Variants in COL5A2 observed in about 807,000 individuals in gnomAD.
COL5A2 encodes collagen type V alpha 2 chain.
A neutral mutation model predicts 208.2 loss-of-function variants in COL5A2; 23 were observed. The observed-to-expected ratio is 0.11, with a 90% confidence interval of 0.08 to 0.16. The LOEUF (loss-of-function observed/expected upper bound fraction) is 0.16, where lower values mean the gene tolerates loss of function less well. COL5A2 is among the 10% of genes least tolerant of loss of function. COL5A2 has a pLI of 1.00. For synonymous variants in COL5A2, 625 were observed against 628.5 expected (o/e 0.99, Z 0.08); for missense variants, 1,590 against 1,956.4 (o/e 0.81, Z 3.53).
chr2:189,293,190 C>A, the COL5A2 span, among the ~76,000 whole-genome samples: 3 of 151,838 alleles, frequency 2.0e-5, no homozygotes, highest in Admixed American at 6.6e-5. Context: ...ACCAGCATGG[C>A]ACATGTATAC....
Position 189,051,540 on chromosome 2 carries a change from T to C in COL5A2, c.2770-59A>G, listed in dbSNP as rs146362699. The C allele has an allele frequency of 7.0e-5, 106 of 1,506,318 alleles. 1 individual carries two copies. The East Asian group carries it at 2.2e-3, about 32-fold the overall frequency. The allele number at this position is 1,506,318 out of a possible 1,614,324, so 93.3% of individuals were successfully genotyped here. A position where few individuals can be genotyped will look rare whatever the true frequency, so the allele number is the denominator to read the frequency against. Reference sequence around the variant, plus strand: ...CAAAATGGAAGGCAAGTAAGAGTGATTGACATAACGCTGTCTGCCTCAGAT... The same window carrying C: ...CAAAATGGAAGGCAAGTAAGAGTGACTGACATAACGCTGTCTGCCTCAGAT... On this transcript the variant is annotated intron_variant, in intron 41 of 53. Coordinates refer to ENST00000374866, the MANE Select transcript of COL5A2 (RefSeq NM_000393.5).
intron 1 of COL5A2, among the ~76,000 whole-genome samples, chr2:189,203,581 G>C (rs1240119610): frequency 6.6e-6 from 1 of 152,140 alleles, no homozygotes; most frequent in African/African-American, 2.4e-5. Context: ...TTGTCACCTT[G>C]TTAGCTGTAA....
chr2:189,295,486 G>A, the COL5A2 span, among the ~76,000 whole-genome samples: 12 of 152,086 alleles, frequency 7.9e-5, no homozygotes, highest in African/African-American at 2.7e-4. Context: ...GTGGTGGCAC[G>A]TGCCTGTAAT....
the COL5A2 span, among the ~76,000 whole-genome samples, chr2:189,266,695 A>G: frequency 1.3e-5 from 2 of 152,138 alleles, no homozygotes; most frequent in Non-Finnish European, 2.9e-5. Flanking sequence ...CTAAAATTAC[A>G]TATTAGGATG....
the COL5A2 span, among the ~76,000 whole-genome samples, chr2:189,323,517 T>C: frequency 6.6e-6 from 1 of 152,242 alleles, no homozygotes; most frequent in South Asian, 2.1e-4. Context: ...AGCATTCTTA[T>C]ACACCAATAA....
the COL5A2 span, among the ~76,000 whole-genome samples, chr2:189,426,981 A>G: frequency 6.6e-6 from 1 of 152,228 alleles, no homozygotes; most frequent in Non-Finnish European, 1.5e-5. Context: ...TTTTCAGGGG[A>G]GGAATTGAAG....
chr2:189,225,423 ATAGTGTTTAGTAT>A (rs1283904340), upstream of COL5A2, among the ~76,000 whole-genome samples: 1 of 152,168 alleles, frequency 6.6e-6, no homozygotes, highest in African/African-American at 2.4e-5. Flanking sequence ...CATCTTCAAT[ATAGTGTTTAGTAT>A]TATCTTAACC....
chr2:189,415,561 C>T, the COL5A2 span, among the ~76,000 whole-genome samples: 1 of 152,302 alleles, frequency 6.6e-6, no homozygotes, highest in Admixed American at 6.5e-5. Flanking sequence ...TTGTCAACTT[C>T]ACCTTTAATT....
intron 7 of COL5A2, among the ~76,000 whole-genome samples, chr2:189,091,770 C>A (rs1200822282): frequency 6.6e-6 from 1 of 152,094 alleles, no homozygotes; most frequent in Non-Finnish European, 1.5e-5. Flanking sequence ...CTTATAAATC[C>A]CCTATGTCTG....
chr2:189,254,585 C>T, the COL5A2 span, among the ~76,000 whole-genome samples: 95 of 152,312 alleles, frequency 6.2e-4, no homozygotes, highest in African/African-American at 2.3e-3. Flanking sequence ...CCCACAGTCA[C>T]TTCTTCTATG....
chr2:189,355,990 A>C, the COL5A2 span, among the ~76,000 whole-genome samples: 12 of 152,234 alleles, frequency 7.9e-5, no homozygotes, highest in African/African-American at 2.6e-4. Flanking sequence ...AAAATCTCTC[A>C]GCATTTGCTT....
At chr2:189,296,787 T>C in the COL5A2 span, among the ~76,000 whole-genome samples, 1 of 152,212 alleles carries the variant, frequency 6.6e-6, no homozygotes, top group East Asian at 1.9e-4. Flanking sequence ...CTCATCCTTT[T>C]CAAACCTTCA....
chr2:189,132,271 G>C (rs1484996571), intron 1 of COL5A2, among the ~76,000 whole-genome samples: 4 of 152,094 alleles, frequency 2.6e-5, no homozygotes, highest in Non-Finnish European at 4.4e-5. Context: ...TATCATTTTG[G>C]TACAGACAAC....
At chr2:189,315,013 C>T in the COL5A2 span, among the ~76,000 whole-genome samples, 1 of 152,164 alleles carries the variant, frequency 6.6e-6, no homozygotes, top group African/African-American at 2.4e-5. Flanking sequence ...CAAAGAAGAG[C>T]TAGTACCATT....
the COL5A2 span, among the ~76,000 whole-genome samples, chr2:189,440,866 A>C: frequency 6.6e-6 from 1 of 152,200 alleles, no homozygotes; most frequent in Non-Finnish European, 1.5e-5. Context: ...ACGCTGCGGA[A>C]GATGCACCAG....
chr2:189,188,058 A>G (rs888044483), intron 1 of COL5A2, among the ~76,000 whole-genome samples: 2 of 151,624 alleles, frequency 1.3e-5, no homozygotes, highest in Admixed American at 6.6e-5. Context: ...ACTATGTTCC[A>G]CTCACCCTCT....
At chr2:189,092,466 A>C in intron 6 of COL5A2, 46 bp from the exon 7 acceptor site, 1 of 1,158,216 alleles carries the variant, frequency 8.6e-7, no homozygotes, top group Non-Finnish European at 1.3e-6. Context: ...CCAAATATAC[A>C]CTTAGTAGAA....
intron 1 of COL5A2, among the ~76,000 whole-genome samples, chr2:189,168,549 GA>G (rs889856007): frequency 2.0e-5 from 3 of 149,664 alleles, no homozygotes; most frequent in South Asian, 2.1e-4. Context: ...GAAAGAATGA[GA>G]AAAAAAAAGC....
At chr2:189,211,732 G>T (rs139167954) in intron 1 of COL5A2, among the ~76,000 whole-genome samples, 20 of 152,104 alleles carry the variant, frequency 1.3e-4, no homozygotes, top group Non-Finnish European at 2.6e-4. Context: ...AAATACTCAG[G>T]GGGGAGGGAG....
Sources: gnomAD v4.1 joint callset for allele counts (sites outside exome capture counted in the v4.1 genomes callset) on GRCh38, gnomAD v4.1.1 for gene constraint, MANE v1.5 for transcripts, NCBI Gene and HGNC (gene_info 2026-07-23, HGNC 2026-07-21) for gene names.